SIRPG: variants seen among roughly 807,000 people sequenced by gnomAD.
SIRPG encodes the protein signal regulatory protein gamma.
Under a neutral mutation model 35.7 loss-of-function variants are expected in SIRPG, and 38 were observed. That is an observed-to-expected ratio of 1.06 (90% CI 0.82 to 1.40). SIRPG has a LOEUF of 1.40. SIRPG is among the 40% of genes most tolerant of loss of function. The pLI, the probability that SIRPG is intolerant of heterozygous loss-of-function variation, is 0.00. For missense variants in SIRPG, 519 were observed against 483.0 expected, an observed-to-expected ratio of 1.07 and a Z score of -0.70; for synonymous variants, 215 against 190.4, an observed-to-expected ratio of 1.13 and a Z score of -1.06.
chr20:1,672,679 C>T, the SIRPG span, among the ~76,000 whole-genome samples: 1 of 152,172 alleles, frequency 6.6e-6, no homozygotes, highest in African/African-American at 2.4e-5. Flanking sequence ...ACTCTGTATA[C>T]CCAAAGTACA....
At chr20:1,631,066 G>A (rs989832258) in intron 4 of SIRPG, among the ~76,000 whole-genome samples, 1 of 152,144 alleles carries the variant, frequency 6.6e-6, no homozygotes, top group Non-Finnish European at 1.5e-5. Flanking sequence ...ACTCAGTTAC[G>A]GGGAAGCACA....
intron 2 of SIRPG, among the ~76,000 whole-genome samples, chr20:1,643,796 T>G (rs997385730): frequency 5.9e-5 from 9 of 152,214 alleles, no homozygotes; most frequent in African/African-American, 2.2e-4. Context: ...GCCTTCTGTT[T>G]GTTTTTCTTT....
intron 1 of SIRPG, among the ~76,000 whole-genome samples, chr20:1,653,307 G>A (rs1196963823): frequency 6.6e-6 from 1 of 152,198 alleles, no homozygotes; most frequent in East Asian, 1.9e-4. Flanking sequence ...TTATCTGTTA[G>A]GAAAGGTGAC....
At chr20:1,658,253 T>C (rs556421692), upstream of SIRPG, among the ~76,000 whole-genome samples, 14 of 152,326 alleles carry the variant, frequency 9.2e-5, no homozygotes, top group South Asian at 1.7e-3. Flanking sequence ...ATTGCTATAA[T>C]TGGCAACACT....
chr20:1,648,688 T>C (rs1159078850), intron 2 of SIRPG, among the ~76,000 whole-genome samples: 2 of 152,062 alleles, frequency 1.3e-5, no homozygotes, highest in Non-Finnish European at 2.9e-5. Flanking sequence ...TTGGCCAGCC[T>C]GAGAGAGAAG....
rs535790606 is a variant in SIRPG, at chr20:1,653,999, G to A, written c.73+3643C>T. On this transcript the variant is annotated intron_variant, in intron 1 of 5. Transcript: ENST00000303415. ...TCATGCCTGTAATCCCAGCACTTTG[G>A]GAGGCCGAAGCGAGCAGATCACGAG... Among the ~76,000 whole-genome samples the A allele has an allele frequency of 7.9e-5, 12 of 152,250 alleles. No homozygotes were observed. The East Asian group carries it at 2.3e-3, about 29-fold the overall frequency.
At chr20:1,664,569 C>T in the SIRPG span, among the ~76,000 whole-genome samples, 7 of 152,130 alleles carry the variant, frequency 4.6e-5, no homozygotes, top group Non-Finnish European at 1.5e-5. Flanking sequence ...TTCCTTGGCC[C>T]CTGCTCAGGA....
chr20:1,668,787 AC>A, the SIRPG span, among the ~76,000 whole-genome samples: 1 of 152,218 alleles, frequency 6.6e-6, no homozygotes, highest in Non-Finnish European at 1.5e-5. Context: ...TCATCAGATC[AC>A]CCAGGATGGA....
chr20:1,675,235 G>A, the SIRPG span, among the ~76,000 whole-genome samples: 3 of 152,086 alleles, frequency 2.0e-5, no homozygotes, highest in Admixed American at 6.5e-5. Flanking sequence ...GGGTGGGCAC[G>A]TGCTCTGCTG....
intron 4 of SIRPG, 47 bp from the exon 5 acceptor site, chr20:1,630,353 G>T (rs2091740358): frequency 6.9e-7 from 1 of 1,451,622 alleles, no homozygotes; most frequent in Non-Finnish European, 9.4e-7. Context: ...CCACTTGGGA[G>T]GCCATTGTAG....
intron 2 of SIRPG, among the ~76,000 whole-genome samples, chr20:1,641,457 C>G (rs998123808): frequency 6.6e-6 from 1 of 152,010 alleles, no homozygotes; most frequent in African/African-American, 2.4e-5. Context: ...GTGGTGATAT[C>G]CCCTTTATCT....
At chr20:1,667,107 G>C in the SIRPG span, among the ~76,000 whole-genome samples, 1 of 152,120 alleles carries the variant, frequency 6.6e-6, no homozygotes, top group South Asian at 2.1e-4. Context: ...ATGTTGCCCA[G>C]GCTGATCTCA....
At position 1,635,488 on chromosome 20, in the gene SIRPG, T is replaced by C. The variant is rs757208638; in HGVS notation, c.860A>G (p.Glu287Gly). 4.3e-6 allele frequency: 7 copies of C among 1,614,120 alleles called. 1 individual carries two copies. The South Asian group carries it at 7.7e-5, about 18-fold the overall frequency. Reference sequence around the variant, plus strand: ...TTCTCTCTGGCACACGTTTCCATTCTCCGACCAGGTCAGCTGTAGGCTCTG... The same window carrying C: ...TTCTCTCTGGCACACGTTTCCATTCCCCGACCAGGTCAGCTGTAGGCTCTG... ...YPQSLQLTWS[E>G]NGNVCQRETA... Residue 287 changes from glutamate to glycine, a missense_variant, in exon 4 of 6, where the codon GAG becomes GGG. Glu to Gly is a moderately conservative substitution (Grantham distance 98, BLOSUM62 -2). Coordinates refer to ENST00000303415, the MANE Select transcript of SIRPG (RefSeq NM_018556.4).
intron 4 of SIRPG, among the ~76,000 whole-genome samples, chr20:1,632,546 G>A (rs940050576): frequency 6.6e-6 from 1 of 152,114 alleles, no homozygotes; most frequent in Non-Finnish European, 1.5e-5. Flanking sequence ...CAAGCCAGTG[G>A]GTGGATGAAT....
At chr20:1,630,427 T>A in intron 4 of SIRPG, 121 bp from the exon 5 acceptor site, 1 of 705,454 alleles carries the variant, frequency 1.4e-6, no homozygotes, top group Non-Finnish European at 2.4e-6. Context: ...TGAACCTGCA[T>A]CCTGCCCAGG....
the SIRPG span, among the ~76,000 whole-genome samples, chr20:1,674,648 A>C: frequency 6.6e-6 from 1 of 152,204 alleles, no homozygotes; most frequent in Non-Finnish European, 1.5e-5. Flanking sequence ...CTCTGTGCAC[A>C]TCCTCTCCCA....
chr20:1,665,341 TG>T, the SIRPG span: 1 of 165,838 alleles, frequency 6.0e-6, no homozygotes. Flanking sequence ...AGCAGGGCCC[TG>T]GGGCCCAGGA....
chr20:1,640,204 T>A (rs1220261654), intron 2 of SIRPG, among the ~76,000 whole-genome samples: 1 of 151,640 alleles, frequency 6.6e-6, no homozygotes, highest in African/African-American at 2.4e-5. Flanking sequence ...ATCTATAAAT[T>A]ACTTTTTCAT....
In SIRPG at chr20:1,635,343, C is replaced by T. The variant is rs149789805; in HGVS notation, c.1005G>A (p.Gly335=). 6 of 1,614,078 alleles carry T rather than the reference C, an allele frequency of 3.7e-6. No individual in the cohort carries two copies. The highest frequency in any genetic ancestry group is 3.3e-5 in the Admixed American group (2 of 60,008). ...VVLTCQVKHD[G]QLAVSKRLAL... is the part of the protein sequence containing the mutation. The stretch of plus-strand genomic sequence containing the variant: ...CAAGGCGTTTGCTGACCGCCAGCTG[C>T]CCATCATGCTTCACCTGGCAGGTGA... Residue 335 remains glycine, a synonymous_variant, in exon 4 of 6, where the codon GGG becomes GGA. Transcript: ENST00000303415.
Sources: allele counts gnomAD v4.1 joint callset (sites outside exome capture counted in the v4.1 genomes callset), GRCh38; gene constraint gnomAD v4.1.1; transcripts MANE v1.5; gene names NCBI Gene and HGNC (gene_info 2026-07-23, HGNC 2026-07-21).